The following ATP9B variants were observed in gnomAD, a reference collection of about 807,000 sequenced individuals.
The protein encoded by ATP9B is ATPase phospholipid transporting 9B, also known as probable phospholipid-transporting ATPase IIB.
ATP9B carries 110 observed loss-of-function variants against 146.1 expected under a neutral mutation model. The ratio of observed to expected loss-of-function variants is 0.75; its 90% CI spans 0.65 to 0.88. The LOEUF is 0.88. Ranked by LOEUF, ATP9B falls within the 40% of genes least tolerant of loss-of-function variation. The pLI is 0.00. For missense variants in ATP9B, 1,499 were observed against 1,496.4 expected, an observed-to-expected ratio of 1.00 and a Z score of -0.03; for synonymous variants, 604 against 569.7, an observed-to-expected ratio of 1.06 and a Z score of -0.86.
rs769104238 is a variant in ATP9B, at chr18:79,307,121, G to C, written c.1660G>C (p.Val554Leu). ...GAAAGCCATCGTGCTGTGTCACAAC[G>C]TGACCCCCGTGTATGAGTCTCGGGC... ...AVKAIVLCHNVTPVYESRAGV... is the reference protein window; with the variant it reads ...AVKAIVLCHNLTPVYESRAGV... The change falls in exon 15 of 30, where the codon GTG becomes CTG. Residue 554 changes from valine to leucine, a missense_variant. Physicochemically the swap from Val to Leu is conservative, Grantham distance 32. Transcript: ENST00000426216. 1 of 1,614,212 alleles carries C rather than the reference G, an allele frequency of 6.2e-7. No homozygotes were observed. The highest frequency in any genetic ancestry group is 8.5e-7 in the Non-Finnish European group (1 of 1,180,040).
At chr18:79,317,864 C>T (rs140661264) in intron 15 of ATP9B, among the ~76,000 whole-genome samples, 1 of 152,304 alleles carries the variant, frequency 6.6e-6, no homozygotes, top group African/African-American at 2.4e-5. Context: ...CAGACTGAGC[C>T]TGGAGCATCT....
intron 11 of ATP9B, among the ~76,000 whole-genome samples, chr18:79,229,306 G>C (rs2095766667): frequency 6.6e-6 from 1 of 152,166 alleles, no homozygotes; most frequent in Non-Finnish European, 1.5e-5. Flanking sequence ...TGAGCAGCTT[G>C]TGTATGATAC....
At chr18:79,136,127 A>G (rs567126746) in intron 5 of ATP9B, among the ~76,000 whole-genome samples, 2 of 151,398 alleles carry the variant, frequency 1.3e-5, no homozygotes, top group East Asian at 3.9e-4. Flanking sequence ...GTGTATTAAT[A>G]CAACTAATTA....
At chr18:79,246,585 A>G (rs935950424) in intron 11 of ATP9B, among the ~76,000 whole-genome samples, 1 of 152,250 alleles carries the variant, frequency 6.6e-6, no homozygotes, top group Non-Finnish European at 1.5e-5. Flanking sequence ...GCTTTTTGTC[A>G]GAAATAAATA....
chr18:79,225,760 G>A (rs1161858349), intron 11 of ATP9B, among the ~76,000 whole-genome samples: 1 of 128,736 alleles, frequency 7.8e-6, no homozygotes, highest in African/African-American at 3.4e-5. Context: ...GTCGCAGGGC[G>A]GCCACTGTCT....
intron 1 of ATP9B, among the ~76,000 whole-genome samples, chr18:79,089,321 A>G (rs879869323): frequency 1.3e-5 from 2 of 152,216 alleles, no homozygotes; most frequent in Non-Finnish European, 2.9e-5. Flanking sequence ...AAACCTTCCA[A>G]TAGCCTTCCA....
chr18:79,287,001 G>C (rs1233673266), intron 13 of ATP9B, among the ~76,000 whole-genome samples: 1 of 152,140 alleles, frequency 6.6e-6, no homozygotes, highest in Non-Finnish European at 1.5e-5. Flanking sequence ...TTTTTGATGT[G>C]CTGCTGGATT....
At chr18:79,218,678 G>T (rs1212710383) in intron 11 of ATP9B, among the ~76,000 whole-genome samples, 2 of 152,198 alleles carry the variant, frequency 1.3e-5, no homozygotes, top group African/African-American at 4.8e-5. Flanking sequence ...AGCTCCTGTT[G>T]GTCATGGTCA....
intron 4 of ATP9B, chr18:79,117,344 C>A (rs571483035): frequency 6.6e-6 from 1 of 152,270 alleles, no homozygotes; most frequent in South Asian, 2.1e-4. Context: ...AGCCATCCAT[C>A]AGGCTATGAA....
chr18:79,372,514 G>T lies in ATP9B; in HGVS notation c.3013-311G>T, dbSNP rs772206969. 4 of 526,224 alleles carry T rather than the reference G, an allele frequency of 7.6e-6. No individual in the cohort carries two copies. In the Admixed American group the frequency reaches 9.2e-5, roughly 12 times the overall value. The allele number at this position is 526,224 out of a possible 1,614,324, so 32.6% of individuals were successfully genotyped here. On this transcript the variant is annotated intron_variant, in intron 26 of 29. Transcript: ENST00000426216. ...TTATTGCCAAGAGCCTTTCCCCCTG[G>T]TTCACTGAAATGTTTGCTTGTATAC... is the stretch of plus-strand genomic sequence containing the variant.
At chr18:79,169,249 C>G (rs1451333363) in intron 7 of ATP9B, among the ~76,000 whole-genome samples, 1 of 152,142 alleles carries the variant, frequency 6.6e-6, no homozygotes, top group Non-Finnish European at 1.5e-5. Flanking sequence ...GTATGGTCAA[C>G]CCCATACCAT....
intron 7 of ATP9B, among the ~76,000 whole-genome samples, chr18:79,164,211 C>A (rs1057039283): frequency 1.1e-4 from 16 of 152,288 alleles, no homozygotes; most frequent in South Asian, 2.1e-4. Context: ...AGACGTGAGT[C>A]ACTGTGCCCA....
intron 13 of ATP9B, among the ~76,000 whole-genome samples, chr18:79,299,034 T>G (rs1227676734): frequency 2.6e-5 from 4 of 152,206 alleles, no homozygotes; most frequent in Non-Finnish European, 5.9e-5. Flanking sequence ...CTTCTGAAGA[T>G]TTCATGCATT....
intron 4 of ATP9B, chr18:79,117,220 C>T (rs2094101138): frequency 6.6e-6 from 1 of 152,152 alleles, no homozygotes; most frequent in South Asian, 2.1e-4. Context: ...TCCTTCATGT[C>T]CAGCCATAGT....
chr18:79,329,620 T>A (rs1311817431), intron 16 of ATP9B, among the ~76,000 whole-genome samples: 1 of 152,226 alleles, frequency 6.6e-6, no homozygotes. Context: ...GTTTGACTTT[T>A]GTACATTGAT....
chr18:79,256,750 GC>G (rs1330157872), intron 12 of ATP9B, among the ~76,000 whole-genome samples: 16 of 152,120 alleles, frequency 1.1e-4, no homozygotes, highest in South Asian at 2.1e-4. Flanking sequence ...GTCGACATTT[GC>G]TTTCATTTTG....
chr18:79,313,734 C>CTATAG (rs1271308945), intron 15 of ATP9B, among the ~76,000 whole-genome samples: 1 of 152,108 alleles, frequency 6.6e-6, no homozygotes, highest in Admixed American at 6.6e-5. Context: ...TTTAGAGAAA[C>CTATAG]TATAGACATT....
At chr18:79,072,808 C>T (rs1178781357) in intron 1 of ATP9B, among the ~76,000 whole-genome samples, 2 of 151,596 alleles carry the variant, frequency 1.3e-5, no homozygotes, top group East Asian at 1.9e-4. Flanking sequence ...GGGTGGCTGC[C>T]GGGCAGAGGG....
chr18:79,294,409 G>A (rs777215340), intron 13 of ATP9B, among the ~76,000 whole-genome samples: 12 of 152,346 alleles, frequency 7.9e-5, no homozygotes, highest in South Asian at 2.1e-4. Context: ...CAGTCTCCAC[G>A]GAACCTTGCC....
Sources: allele counts gnomAD v4.1 joint callset (sites outside exome capture counted in the v4.1 genomes callset), GRCh38; gene constraint gnomAD v4.1.1; transcripts MANE v1.5; gene names NCBI Gene and HGNC (gene_info 2026-07-23, HGNC 2026-07-21).